RNGTT: variants seen among roughly 807,000 people sequenced by gnomAD.
RNGTT encodes mRNA-capping enzyme.
Under a neutral mutation model 79.3 loss-of-function variants are expected in RNGTT, and 33 were observed. The ratio of observed to expected loss-of-function variants is 0.42; its 90% CI spans 0.32 to 0.56. The LOEUF (loss-of-function observed/expected upper bound fraction) is 0.56. Ranked by LOEUF, RNGTT falls within the 20% of genes least tolerant of loss-of-function variation. The pLI is 0.17. For synonymous variants in RNGTT, 222 were observed against 235.9 expected (o/e 0.94, Z 0.54); for missense variants, 497 against 739.1 (o/e 0.67, Z 3.80).
chr6:88,679,144 T>C (rs902881355), intron 13 of RNGTT, among the ~76,000 whole-genome samples: 3 of 152,062 alleles, frequency 2.0e-5, no homozygotes, highest in Non-Finnish European at 4.4e-5. Flanking sequence ...TAAACCTAAA[T>C]ATATCGTACC....
At chr6:88,644,134 A>G (rs1773436029) in intron 14 of RNGTT, among the ~76,000 whole-genome samples, 1 of 152,200 alleles carries the variant, frequency 6.6e-6, no homozygotes, top group African/African-American at 2.4e-5. Context: ...AAGAGAGAAG[A>G]ATCAAATAGA....
At chr6:88,646,004 G>C (rs917006728) in intron 14 of RNGTT, among the ~76,000 whole-genome samples, 3 of 152,132 alleles carry the variant, frequency 2.0e-5, no homozygotes, top group African/African-American at 7.2e-5. Flanking sequence ...TTGACAAATG[G>C]GATCTAATTA....
intron 14 of RNGTT, among the ~76,000 whole-genome samples, chr6:88,668,861 C>T (rs539450265): frequency 2.0e-5 from 3 of 151,142 alleles, no homozygotes; most frequent in Non-Finnish European, 4.4e-5. Flanking sequence ...TTCTCTCAGT[C>T]GGGGTGAAAA....
At chr6:88,911,870 G>A (rs1252191966) in intron 4 of RNGTT, among the ~76,000 whole-genome samples, 2 of 152,044 alleles carry the variant, frequency 1.3e-5, no homozygotes, top group African/African-American at 4.8e-5. Flanking sequence ...CAGATGGCTT[G>A]AGGTCTAGAG....
chr6:88,759,727 C>A (rs550227298), intron 13 of RNGTT, among the ~76,000 whole-genome samples: 1 of 152,056 alleles, frequency 6.6e-6, no homozygotes, highest in Non-Finnish European at 1.5e-5. Flanking sequence ...AGTAGTTTGG[C>A]GTTTCACAAC....
intron 13 of RNGTT, among the ~76,000 whole-genome samples, chr6:88,718,211 A>C (rs967948315): frequency 6.6e-6 from 1 of 151,934 alleles, no homozygotes; most frequent in African/African-American, 2.4e-5. Flanking sequence ...ACATGGGGAA[A>C]CCTCATCTCT....
rs565894156 is a variant in RNGTT at position 88,813,641 on chromosome 6, T to G, written c.1270-12009A>C. On this transcript the variant is annotated intron_variant, in intron 11 of 15. Coordinates refer to ENST00000369485, the MANE Select transcript of RNGTT (RefSeq NM_003800.5). ...CCATTTTAAAGGTGAAGTTAAGAAC[T>G]TGCCTAAGGTTACACAGCAAGAAAC... 9.7e-4 allele frequency among the ~76,000 whole-genome samples: 148 copies of G among 152,324 alleles called. 3 individuals are homozygous for G. Among genetic ancestry groups the G allele is most frequent in the South Asian group, 1.0e-3 (5 of 4,830 alleles).
chr6:88,635,058 T>C (rs2127770899), intron 14 of RNGTT, among the ~76,000 whole-genome samples: 1 of 152,180 alleles, frequency 6.6e-6, no homozygotes, highest in East Asian at 1.9e-4. Context: ...TGAGTAGTGG[T>C]TTGCTAGGCT....
Position 88,925,342 on chromosome 6 carries a change from G to T in RNGTT, c.367+3643C>A, listed in dbSNP as rs146779401. On this transcript the variant is annotated intron_variant, in intron 4 of 15. Coordinates refer to ENST00000369485, the MANE Select transcript of RNGTT (RefSeq NM_003800.5). ...ATAAGGGTTCACGCCTGTAATCCCA[G>T]CACTTTGGGAGGCCAAGGTGGGTAG... Among the ~76,000 whole-genome samples the T allele has an allele frequency of 3.0e-4, 45 of 152,142 alleles. No individual in the cohort carries two copies. In the East Asian group the frequency reaches 8.3e-3, roughly 28 times the overall value.
At chr6:88,784,168 G>A (rs1403527644) in intron 12 of RNGTT, among the ~76,000 whole-genome samples, 1 of 152,154 alleles carries the variant, frequency 6.6e-6, no homozygotes, top group Non-Finnish European at 1.5e-5. Context: ...GATGAGTTAA[G>A]TAGCTACAAG....
At chr6:88,844,905 G>A (rs1442236628) in intron 10 of RNGTT, among the ~76,000 whole-genome samples, 1 of 151,760 alleles carries the variant, frequency 6.6e-6, no homozygotes, top group Non-Finnish European at 1.5e-5. Context: ...CTGGGCAACA[G>A]AGCAAGACCA....
At chr6:88,760,144 A>G (rs1778161569) in intron 13 of RNGTT, among the ~76,000 whole-genome samples, 1 of 152,108 alleles carries the variant, frequency 6.6e-6, no homozygotes, top group Admixed American at 6.6e-5. Flanking sequence ...AAGTAATTTG[A>G]CTCCAGTGAG....
At chr6:88,914,871 T>C (rs1419725510) in intron 4 of RNGTT, among the ~76,000 whole-genome samples, 1 of 152,164 alleles carries the variant, frequency 6.6e-6, no homozygotes, top group Non-Finnish European at 1.5e-5. Context: ...TCACAGACTA[T>C]GTATCTGAAA....
chr6:88,862,754 T>C (rs535875765), intron 8 of RNGTT, among the ~76,000 whole-genome samples: 8 of 152,294 alleles, frequency 5.3e-5, no homozygotes, highest in Non-Finnish European at 1.0e-4. Flanking sequence ...CATTAACAAA[T>C]TTAAAAGAAC....
intron 13 of RNGTT, among the ~76,000 whole-genome samples, chr6:88,739,725 TTATATATATATATATATATA>T (rs367967175): frequency 0.031 from 2,896 of 94,078 alleles, 95 homozygotes; most frequent in Non-Finnish European, 0.036. Flanking sequence ...GTGAAAAAAA[TTATATATATATATATATATA>T]TATATATATA....
intron 13 of RNGTT, among the ~76,000 whole-genome samples, chr6:88,743,942 G>T (rs964003869): frequency 6.6e-6 from 1 of 152,016 alleles, no homozygotes; most frequent in Non-Finnish European, 1.5e-5. Context: ...TACTTTATAG[G>T]TTTAGTATGA....
chr6:88,850,163 CT>C (rs1167043057), intron 9 of RNGTT, among the ~76,000 whole-genome samples: 10 of 151,848 alleles, frequency 6.6e-5, no homozygotes, highest in Admixed American at 3.9e-4. Context: ...ACGTCAGGAT[CT>C]TTTTTAAAAA....
intron 2 of RNGTT, among the ~76,000 whole-genome samples, chr6:88,940,101 A>C (rs1392598631): frequency 7.1e-6 from 1 of 141,362 alleles, no homozygotes; most frequent in South Asian, 2.2e-4. Context: ...TTTGAGACAG[A>C]GTCTCACTCT....
chr6:88,703,680 C>G (rs769701403), intron 13 of RNGTT, among the ~76,000 whole-genome samples: 8 of 152,076 alleles, frequency 5.3e-5, no homozygotes, highest in Admixed American at 2.0e-4. Context: ...CATCCTGAAT[C>G]TAAAATAAAA....
Sources: gnomAD v4.1 joint callset for allele counts (sites outside exome capture counted in the v4.1 genomes callset) on GRCh38, gnomAD v4.1.1 for gene constraint, MANE v1.5 for transcripts, NCBI Gene and HGNC (gene_info 2026-07-23, HGNC 2026-07-21) for gene names.